FRK: variants seen among roughly 807,000 people sequenced by gnomAD.
The protein encoded by FRK is tyrosine-protein kinase FRK.
In FRK, 51 loss-of-function variants were observed where a neutral mutation model predicts 56.4. The ratio of observed to expected loss-of-function variants is 0.90; its 90% CI spans 0.72 to 1.14. The LOEUF (loss-of-function observed/expected upper bound fraction) is 1.14. Among genes scored for constraint, FRK ranks in the 50% most tolerant of loss-of-function variants. FRK has a pLI of 0.00. For synonymous variants in FRK, 245 were observed against 217.9 expected (o/e 1.12, Z -1.10); for missense variants, 570 against 601.4 (o/e 0.95, Z 0.55).
chr6:116,093,480 C>T, the FRK span, among the ~76,000 whole-genome samples: 3 of 144,128 alleles, frequency 2.1e-5, no homozygotes, highest in Admixed American at 2.1e-4. Flanking sequence ...AGATCAAACC[C>T]TGGCCTTTAA....
At chr6:115,992,523 C>A (rs1562274813) in intron 2 of FRK, among the ~76,000 whole-genome samples, 1 of 151,492 alleles carries the variant, frequency 6.6e-6, no homozygotes, top group East Asian at 1.9e-4. Flanking sequence ...TTGAAAATTT[C>A]TTTTCTATAT....
intron 4 of FRK, among the ~76,000 whole-genome samples, chr6:115,961,592 G>C (rs1434789784): frequency 1.4e-5 from 1 of 71,764 alleles, no homozygotes; most frequent in Admixed American, 1.5e-4. Flanking sequence ...ACACATAATT[G>C]TCAGATTCAC....
At chr6:115,969,957 T>G (rs1773739083) in intron 2 of FRK, among the ~76,000 whole-genome samples, 1 of 152,200 alleles carries the variant, frequency 6.6e-6, no homozygotes, top group Non-Finnish European at 1.5e-5. Context: ...CTTAGCAAAG[T>G]TGTTGATAAG....
At chr6:115,953,096 A>T (rs1050242883) in intron 5 of FRK, among the ~76,000 whole-genome samples, 5 of 141,638 alleles carry the variant, frequency 3.5e-5, no homozygotes, top group Admixed American at 7.2e-5. Flanking sequence ...AAAATTTTTT[A>T]AAAAAAGAAA....
At chr6:116,093,905 G>T in the FRK span, among the ~76,000 whole-genome samples, 1 of 152,104 alleles carries the variant, frequency 6.6e-6, no homozygotes, top group African/African-American at 2.4e-5. Context: ...TGAGCCCTGG[G>T]CCCTGAACAA....
At chr6:116,048,712 T>C (rs1272626218) in intron 1 of FRK, among the ~76,000 whole-genome samples, 1 of 152,132 alleles carries the variant, frequency 6.6e-6, no homozygotes, top group Non-Finnish European at 1.5e-5. Context: ...TTTGTGTCAG[T>C]CTCTTTCTCC....
intron 1 of FRK, among the ~76,000 whole-genome samples, chr6:116,014,944 A>ATC (rs1775596758): frequency 6.6e-6 from 1 of 152,084 alleles, no homozygotes; most frequent in Non-Finnish European, 1.5e-5. Flanking sequence ...TTCCGGGGAG[A>ATC]TAATCCATTG....
rs535256059 is a variant in FRK at position 115,948,956 on chromosome 6, CTAA to C, written c.959-4534_959-4532del. On this transcript the variant is annotated intron_variant, in intron 5 of 7. Transcript: ENST00000606080. ...CTGTTTCTTCAACTGTGAAGTAGGA[CTAA>C]TAATACTTACCTCATAATGTGGTTA... 2.8e-3 allele frequency among the ~76,000 whole-genome samples: 428 copies of C among 152,228 alleles called. 3 individuals carry two copies. Among genetic ancestry groups the C allele is most frequent in the African/African-American group, 9.9e-3 (411 of 41,540 alleles).
intron 5 of FRK, among the ~76,000 whole-genome samples, chr6:115,946,944 A>T (rs886291122): frequency 5.3e-5 from 8 of 152,158 alleles, no homozygotes; most frequent in Admixed American, 5.2e-4. Flanking sequence ...GAGATCAGGT[A>T]TAAGGATTTG....
Position 115,956,515 on chromosome 6 carries a change from C to T in FRK, c.895G>A (p.Glu299Lys). The T allele has an allele frequency of 1.3e-6, 2 of 1,590,518 alleles. No individual in the cohort carries two copies. The highest frequency in any genetic ancestry group is 1.7e-6 in the Non-Finnish European group (2 of 1,168,742). The change falls in exon 5 of 8, where the codon GAA (glutamate) becomes AAA (lysine). Residue 299 changes from glutamate (E) to lysine (K), a missense_variant. Glu to Lys is a moderately conservative substitution (Grantham distance 56). Coordinates refer to ENST00000606080, the MANE Select transcript of FRK (RefSeq NM_002031.3). ...TCTGTAATAATATAAATTGGATCTT[C>T]TAAAGTGCAAACAGCATAAAGCTGG... Reference protein sequence around the residue: ...LIQLYAVCTLEDPIYIITELM... With the variant: ...LIQLYAVCTLKDPIYIITELM...
At chr6:116,016,082 T>C (rs1036667422) in intron 1 of FRK, among the ~76,000 whole-genome samples, 1 of 152,138 alleles carries the variant, frequency 6.6e-6, no homozygotes, top group Non-Finnish European at 1.5e-5. Flanking sequence ...GCCAAGACAA[T>C]GAAGAAAATG....
chr6:115,967,768 T>G, intron 3 of FRK, 49 bp from the exon 4 acceptor site: 2 of 1,289,732 alleles, frequency 1.6e-6, no homozygotes, highest in Non-Finnish European at 2.1e-6. Flanking sequence ...AAAAGTAGAT[T>G]TAATATTATT....
chr6:116,021,048 T>C (rs1365979275), intron 1 of FRK, among the ~76,000 whole-genome samples: 1 of 152,152 alleles, frequency 6.6e-6, no homozygotes, highest in Non-Finnish European at 1.5e-5. Flanking sequence ...TTATGATCCA[T>C]TAACTTTTAA....
chr6:116,039,069 A>G, intron 1 of FRK: 1 of 767,984 alleles, frequency 1.3e-6, no homozygotes, highest in Non-Finnish European at 2.4e-6. Flanking sequence ...GGGGAGTCAG[A>G]TAAGCTGATT....
intron 4 of FRK, among the ~76,000 whole-genome samples, chr6:115,959,964 T>TAA (rs34994379): frequency 8.0e-4 from 117 of 146,430 alleles, no homozygotes; most frequent in Middle Eastern, 3.5e-3. Context: ...TAAGTGAAAA[T>TAA]AAAAAAAAAA....
intron 1 of FRK, among the ~76,000 whole-genome samples, chr6:116,046,681 G>A (rs1776976571): frequency 2.0e-5 from 3 of 152,036 alleles, no homozygotes; most frequent in Admixed American, 6.6e-5. Context: ...ACCTAAGGTA[G>A]GTGATGGGTT....
chr6:116,033,320 A>G (rs764918678), intron 1 of FRK, among the ~76,000 whole-genome samples: 16 of 152,198 alleles, frequency 1.1e-4, no homozygotes, highest in Non-Finnish European at 2.2e-4. Context: ...ATGTACACAT[A>G]CATGGACCAA....
intron 1 of FRK, among the ~76,000 whole-genome samples, chr6:116,028,586 T>G (rs1213052898): frequency 3.9e-5 from 6 of 152,300 alleles, no homozygotes; most frequent in East Asian, 1.9e-4. Context: ...GGTGTTTTGT[T>G]GGCAGTCTTT....
At chr6:116,051,647 A>G (rs1777183125) in intron 1 of FRK, among the ~76,000 whole-genome samples, 1 of 152,172 alleles carries the variant, frequency 6.6e-6, no homozygotes, top group Admixed American at 6.6e-5. Context: ...GGAACCCTGC[A>G]ATATCGTTAA....
Sources: gnomAD v4.1 joint callset for allele counts (sites outside exome capture counted in the v4.1 genomes callset) on GRCh38, gnomAD v4.1.1 for gene constraint, MANE v1.5 for transcripts, NCBI Gene and HGNC (gene_info 2026-07-23, HGNC 2026-07-21) for gene names.